The following NDUFA10 variants were observed in gnomAD, a reference collection of about 807,000 sequenced individuals.
NDUFA10 encodes the protein NADH:ubiquinone oxidoreductase subunit A10, also known as NADH dehydrogenase [ubiquinone] 1 alpha subcomplex subunit 10, mitochondrial.
A neutral mutation model predicts 47.8 loss-of-function variants in NDUFA10; 40 were observed. The observed-to-expected ratio is 0.84, with a 90% CI of 0.65 to 1.09. NDUFA10 has a LOEUF of 1.09. Ranked by LOEUF, NDUFA10 falls within the 50% of genes least tolerant of loss-of-function variation. The probability of loss-of-function intolerance (pLI) is 0.00; values close to 1 mark genes in which losing one functional copy is unlikely to be tolerated. For missense variants in NDUFA10, 413 were observed against 451.1 expected, an observed-to-expected ratio of 0.92 and a Z score of 0.76; for synonymous variants, 183 against 172.2, an observed-to-expected ratio of 1.06 and a Z score of -0.49.
intron 7 of NDUFA10, among the ~76,000 whole-genome samples, chr2:240,006,451 G>A (rs1696951528): frequency 6.6e-6 from 1 of 152,136 alleles, no homozygotes. Flanking sequence ...ATGCTGAGAG[G>A]CAACTGAAGC....
intron 9 of NDUFA10, chr2:239,969,811 T>C (rs1375820265): frequency 4.3e-6 from 2 of 470,000 alleles, no homozygotes; most frequent in African/African-American, 4.0e-5. Context: ...CCACAGAAGA[T>C]AAGTGAGCTT....
At chr2:239,937,158 C>A (rs1245273104) in intron 4 of NDUFA10, among the ~76,000 whole-genome samples, 1 of 152,156 alleles carries the variant, frequency 6.6e-6, no homozygotes, top group East Asian at 1.9e-4. Context: ...GGTCAAGAAC[C>A]TGCCAACATG....
chr2:240,010,742 A>T (rs1697108150), intron 6 of NDUFA10, among the ~76,000 whole-genome samples: 1 of 152,140 alleles, frequency 6.6e-6, no homozygotes, highest in Non-Finnish European at 1.5e-5. Context: ...TTTTGATTTT[A>T]TTATTACCTA....
rs201436612 is a variant in NDUFA10, at chr2:239,894,666, A to G, written c.*14+539T>C. On this transcript the variant is annotated intron_variant, in intron 5 of 5. Coordinates refer to the NDUFA10 transcript ENST00000419408. ...GTCCCCACGCCAGCTTCTACTGCCA[A>G]TGCCCCCTCCTGCATTCCTCCGTCT... Among the ~76,000 whole-genome samples the G allele has an allele frequency of 1.1e-4, 17 of 150,388 alleles. No individual in the cohort carries two copies. The East Asian group carries it at 2.9e-3, about 26-fold the overall frequency.
intron 9 of NDUFA10, among the ~76,000 whole-genome samples, chr2:239,978,476 G>C (rs1695622600): frequency 6.6e-6 from 1 of 152,096 alleles, no homozygotes. Flanking sequence ...ATACTCTGGC[G>C]AGCTTGGTCC....
In NDUFA10 at chr2:240,018,616, A is replaced by G. The variant is rs1559403435; in HGVS notation, c.484T>C (p.Ser162Pro). The change falls in exon 4 of 10, where the codon TCC (serine) becomes CCC (proline). Residue 162 changes from serine to proline, a missense_variant. Coordinates refer to ENST00000252711, the MANE Select transcript of NDUFA10 (RefSeq NM_004544.4). ...TTGQGVVLER[S>P]IFSDFVFLEA... Reference sequence around the variant, plus strand: ...AGGAACACAAAGTCACTGAAGATGGAGCGCTCCAACACAACACCTTGTCCT... The same window carrying G: ...AGGAACACAAAGTCACTGAAGATGGGGCGCTCCAACACAACACCTTGTCCT... 6.2e-7 allele frequency: 1 copy of G among 1,614,174 alleles called. No individual in the cohort carries two copies. The highest frequency in any genetic ancestry group is 8.5e-7 in the Non-Finnish European group (1 of 1,180,034).
intron 4 of NDUFA10, among the ~76,000 whole-genome samples, chr2:239,932,484 A>C (rs1025126335): frequency 1.1e-4 from 16 of 152,052 alleles, no homozygotes; most frequent in Non-Finnish European, 2.1e-4. Context: ...GATTGCTTAC[A>C]CGTTTCTTGC....
downstream of NDUFA10, among the ~76,000 whole-genome samples, chr2:239,956,665 C>A (rs1041045718): frequency 6.6e-6 from 1 of 152,194 alleles, no homozygotes; most frequent in Non-Finnish European, 1.5e-5. Flanking sequence ...CCTGTCACAG[C>A]CACCTTTCTG....
rs2106454588 is a variant in NDUFA10 at position 239,996,275 on chromosome 2, G to A, written c.891-6093C>T. Among the ~76,000 whole-genome samples, 2 of 152,278 alleles carry A rather than the reference G, an allele frequency of 1.3e-5. 1 individual carries two copies. Among genetic ancestry groups the A allele is most frequent in the South Asian group, 4.1e-4 (2 of 4,828 alleles). On this transcript the variant is annotated intron_variant, in intron 8 of 9. Coordinates refer to ENST00000252711, the MANE Select transcript of NDUFA10 (RefSeq NM_004544.4). The stretch of plus-strand genomic sequence containing the variant: ...CAAGCTGAATTGGAACACTAATCAA[G>A]ATAGGAAACACTGGCCATAGAAAAC...
chr2:240,019,284 CT>C (rs1697508005), intron 3 of NDUFA10, among the ~76,000 whole-genome samples: 1 of 152,196 alleles, frequency 6.6e-6, no homozygotes, highest in Non-Finnish European at 1.5e-5. Flanking sequence ...CTGTGGCGCC[CT>C]TAGCTCCCAG....
At chr2:239,944,346 T>C (rs757394754) in intron 4 of NDUFA10, among the ~76,000 whole-genome samples, 1 of 152,190 alleles carries the variant, frequency 6.6e-6, no homozygotes, top group Non-Finnish European at 1.5e-5. Context: ...GCGTCCCCCA[T>C]GCTGAGTGTG....
intron 1 of NDUFA10, 59 bp from the exon 2 acceptor site, chr2:240,022,399 T>C: frequency 6.2e-7 from 1 of 1,609,300 alleles, no homozygotes. Context: ...CTGTAGGCAT[T>C]AGTAACTATT....
intron 8 of NDUFA10, among the ~76,000 whole-genome samples, chr2:239,995,730 G>A (rs1047672798): frequency 6.6e-6 from 1 of 152,130 alleles, no homozygotes; most frequent in Non-Finnish European, 1.5e-5. Flanking sequence ...AAAGACTCGA[G>A]ATAGAAGAGG....
chr2:239,931,242 G>C (rs1050198945), intron 4 of NDUFA10, among the ~76,000 whole-genome samples: 13 of 152,168 alleles, frequency 8.5e-5, no homozygotes, highest in Non-Finnish European at 1.5e-4. Flanking sequence ...TGTCTGCAGG[G>C]CTGCAGGAAA....
chr2:239,956,196 G>C (rs571579958), downstream of NDUFA10, among the ~76,000 whole-genome samples: 2 of 152,154 alleles, frequency 1.3e-5, no homozygotes, highest in South Asian at 4.1e-4. Flanking sequence ...GTCCCCAGGG[G>C]CTCCAGCGCC....
At chr2:239,973,985 G>C (rs944608539) in intron 9 of NDUFA10, among the ~76,000 whole-genome samples, 1 of 152,082 alleles carries the variant, frequency 6.6e-6, no homozygotes, top group Admixed American at 6.5e-5. Flanking sequence ...CTAGAACACA[G>C]TGGCAATTCT....
At chr2:239,912,695 CT>C (rs1359581662) in intron 4 of NDUFA10, among the ~76,000 whole-genome samples, 1 of 152,182 alleles carries the variant, frequency 6.6e-6, no homozygotes, top group Non-Finnish European at 1.5e-5. Flanking sequence ...ACACATACCC[CT>C]ATCCCTGCCA....
intron 5 of NDUFA10, among the ~76,000 whole-genome samples, chr2:239,893,396 T>C (rs1483887839): frequency 1.3e-5 from 2 of 152,230 alleles, no homozygotes; most frequent in Non-Finnish European, 1.5e-5. Flanking sequence ...ATGTGGCTGT[T>C]GGGATGTGTC....
intron 4 of NDUFA10, among the ~76,000 whole-genome samples, chr2:239,897,306 A>G (rs1439058067): frequency 6.6e-6 from 1 of 152,176 alleles, no homozygotes; most frequent in Admixed American, 6.5e-5. Flanking sequence ...GAAAAATCCT[A>G]TTTTTATTAG....
Sources: gnomAD v4.1 joint callset for allele counts (sites outside exome capture counted in the v4.1 genomes callset) on GRCh38, gnomAD v4.1.1 for gene constraint, MANE v1.5 for transcripts, NCBI Gene and HGNC (gene_info 2026-07-23, HGNC 2026-07-21) for gene names.